TMEM132D: variants seen among roughly 807,000 people sequenced by gnomAD.
TMEM132D encodes the protein mature OL transmembrane protein.
A neutral mutation model predicts 62.3 loss-of-function variants in TMEM132D; 21 were observed. The ratio of observed to expected loss-of-function variants is 0.34; its 90% CI spans 0.24 to 0.49. TMEM132D has a LOEUF of 0.49. TMEM132D is among the 20% of genes least tolerant of loss of function. The pLI is 0.99. For synonymous variants in TMEM132D, 621 were observed against 575.6 expected (o/e 1.08, Z -1.13); for missense variants, 1,346 against 1,402.8 (o/e 0.96, Z 0.65).
chr12:129,200,205 C>T (rs1420610683), intron 5 of TMEM132D, among the ~76,000 whole-genome samples: 1 of 152,082 alleles, frequency 6.6e-6, no homozygotes, highest in Non-Finnish European at 1.5e-5. Flanking sequence ...GCTACAGAGT[C>T]CTTTCCAATA....
chr12:129,644,106 G>A (rs1879708071), intron 2 of TMEM132D, among the ~76,000 whole-genome samples: 1 of 152,054 alleles, frequency 6.6e-6, no homozygotes, highest in Non-Finnish European at 1.5e-5. Flanking sequence ...GCCCGCCTCA[G>A]CCTCCCAAAG....
chr12:129,635,234 C>T (rs1181158019), intron 2 of TMEM132D, among the ~76,000 whole-genome samples: 4 of 152,208 alleles, frequency 2.6e-5, no homozygotes, highest in South Asian at 4.1e-4. Context: ...CTTTAGTAGT[C>T]ATGGAAACAG....
intron 5 of TMEM132D, among the ~76,000 whole-genome samples, chr12:129,189,116 C>T (rs575120275): frequency 2.4e-4 from 37 of 151,794 alleles, no homozygotes; most frequent in African/African-American, 3.9e-4. Flanking sequence ...AGGGGAAGTG[C>T]GTCTGGCCTT....
intron 4 of TMEM132D, among the ~76,000 whole-genome samples, chr12:129,305,376 G>A (rs1488624173): frequency 6.6e-6 from 1 of 152,162 alleles, no homozygotes; most frequent in Non-Finnish European, 1.5e-5. Flanking sequence ...TTGAGTTTCA[G>A]GGAGTCTAAG....
chr12:129,510,271 A>C (rs1281253486), intron 3 of TMEM132D, among the ~76,000 whole-genome samples: 1 of 152,152 alleles, frequency 6.6e-6, no homozygotes, highest in African/African-American at 2.4e-5. Flanking sequence ...CTCTTGAGAA[A>C]TGTCTATTCA....
intron 2 of TMEM132D, among the ~76,000 whole-genome samples, chr12:129,610,277 CAAAAA>C (rs34621276): frequency 1.8e-5 from 2 of 108,744 alleles, no homozygotes. Flanking sequence ...GGCTCTGTCT[CAAAAA>C]AAAAAAAAAA....
rs1593040057 is a variant in TMEM132D, at chr12:129,501,613, T to A, written c.1115+29446A>T. 2.0e-5 allele frequency among the ~76,000 whole-genome samples: 3 copies of A among 152,232 alleles called. No homozygotes were observed. The South Asian group carries it at 6.2e-4, about 32-fold the overall frequency. ...TTGACGTCCCTAACTCAAGCGATCC[T>A]CCTGCCTCAGCCTTCTAAATAGCTG... On this transcript the variant is annotated intron_variant, in intron 3 of 8. Coordinates refer to ENST00000422113, the MANE Select transcript of TMEM132D (RefSeq NM_133448.3).
At chr12:129,453,367 A>T (rs1365078003) in intron 3 of TMEM132D, among the ~76,000 whole-genome samples, 1 of 152,166 alleles carries the variant, frequency 6.6e-6, no homozygotes, top group Non-Finnish European at 1.5e-5. Context: ...TCCCTCCCGC[A>T]GGGTCCCATC....
At chr12:129,247,743 C>T (rs538391770) in intron 4 of TMEM132D, among the ~76,000 whole-genome samples, 31 of 152,230 alleles carry the variant, frequency 2.0e-4, no homozygotes, top group Non-Finnish European at 4.1e-4. Flanking sequence ...CCCTCACCAT[C>T]TGAAGTCCAG....
chr12:129,188,373 A>T (rs1198548714), intron 5 of TMEM132D, among the ~76,000 whole-genome samples: 1 of 152,234 alleles, frequency 6.6e-6, no homozygotes, highest in Non-Finnish European at 1.5e-5. Context: ...CCAATACTCC[A>T]GCTGACTGCA....
rs547290096 is a variant in TMEM132D at position 129,425,854 on chromosome 12, G to T, written c.1116-88037C>A. Among the ~76,000 whole-genome samples, 26 of 152,318 alleles carry T rather than the reference G, an allele frequency of 1.7e-4. No individual in the cohort carries two copies. The South Asian group carries it at 5.2e-3, about 30-fold the overall frequency. On this transcript the variant is annotated intron_variant, in intron 3 of 8. Coordinates refer to ENST00000422113, the MANE Select transcript of TMEM132D (RefSeq NM_133448.3). Reference sequence around the variant, plus strand: ...TTGGAGACTAATGTTTGGAAAAGTTGAGTCGACTTCCCAACGCCACATAGG... The same window carrying T: ...TTGGAGACTAATGTTTGGAAAAGTTTAGTCGACTTCCCAACGCCACATAGG...
At chr12:129,603,098 C>G (rs954035834) in intron 2 of TMEM132D, among the ~76,000 whole-genome samples, 1 of 152,174 alleles carries the variant, frequency 6.6e-6, no homozygotes, top group Non-Finnish European at 1.5e-5. Context: ...GGTGGGGACA[C>G]AGAGCCAAAC....
intron 4 of TMEM132D, among the ~76,000 whole-genome samples, chr12:129,238,321 A>T (rs1879840567): frequency 1.3e-5 from 2 of 152,266 alleles, no homozygotes; most frequent in African/African-American, 4.8e-5. Flanking sequence ...AAACAATTTT[A>T]AAATTACGAT....
intron 2 of TMEM132D, among the ~76,000 whole-genome samples, chr12:129,665,610 A>T (rs560843543): frequency 2.0e-5 from 3 of 152,260 alleles, no homozygotes; most frequent in African/African-American, 7.2e-5. Flanking sequence ...TTATTTGCTG[A>T]GTCATCTGCA....
chr12:129,244,471 G>T (rs114850434), intron 4 of TMEM132D, among the ~76,000 whole-genome samples: 1,880 of 144,400 alleles, frequency 0.013, 43 homozygotes, highest in African/African-American at 0.045. Context: ...TTGCTCCTAC[G>T]GTGCATAGAC....
rs759524697 is a variant in TMEM132D at position 129,531,167 on chromosome 12, C to T, written c.1007G>A (p.Arg336Gln). ...VKKGVNIIGV[R>Q]ASSPSIWDVK... is the part of the protein sequence containing the mutation. ...ATCCCAAATGGAAGGGCTGCTGGCTCGCACGCCGATGATGTTCACGCCTTT... is the reference window on the plus strand; with the variant it reads ...ATCCCAAATGGAAGGGCTGCTGGCTTGCACGCCGATGATGTTCACGCCTTT... The change falls in exon 3 of 9, where the codon CGA becomes CAA. Residue 336 changes from arginine (R) to glutamine (Q), a missense_variant. Transcript: ENST00000422113. 21 of 1,613,234 alleles carry T rather than the reference C, an allele frequency of 1.3e-5. No homozygotes were observed. Among genetic ancestry groups the T allele is most frequent in the Admixed American group, 1.7e-5 (1 of 59,980 alleles).
intron 5 of TMEM132D, among the ~76,000 whole-genome samples, chr12:129,138,240 T>C (rs892803769): frequency 8.5e-5 from 13 of 152,230 alleles, no homozygotes; most frequent in Admixed American, 7.9e-4. Flanking sequence ...AATCTATTTT[T>C]AATGTAAATT....
At chr12:129,648,121 C>T (rs1398543913) in intron 2 of TMEM132D, among the ~76,000 whole-genome samples, 1 of 152,150 alleles carries the variant, frequency 6.6e-6, no homozygotes, top group Non-Finnish European at 1.5e-5. Context: ...GGCCACAAGG[C>T]TCCTAACCTT....
At chr12:129,356,050 C>T (rs534283799) in intron 3 of TMEM132D, among the ~76,000 whole-genome samples, 1 of 152,268 alleles carries the variant, frequency 6.6e-6, no homozygotes, top group African/African-American at 2.4e-5. Flanking sequence ...TCGTACTTTC[C>T]CTGAGCATTT....
Sources: gnomAD v4.1 joint callset for allele counts (sites outside exome capture counted in the v4.1 genomes callset) on GRCh38, gnomAD v4.1.1 for gene constraint, MANE v1.5 for transcripts, NCBI Gene and HGNC (gene_info 2026-07-23, HGNC 2026-07-21) for gene names.